Variants in EYS observed in about 807,000 individuals in gnomAD.
EYS encodes the protein protein eyes shut homolog.
In EYS, 250 loss-of-function variants were observed where a neutral mutation model predicts 282.1. That is an observed-to-expected ratio of 0.89 (90% CI 0.80 to 0.98). EYS has a LOEUF of 0.98. EYS is among the 50% of genes least tolerant of loss of function. The pLI is 0.00. For synonymous variants in EYS, 1,355 were observed against 1,282.9 expected, an observed-to-expected ratio of 1.06 and a Z score of -1.20; for missense variants, 4,016 against 3,709.0, an observed-to-expected ratio of 1.08 and a Z score of -2.15.
chr6:64,431,718 A>C (rs528422218), intron 28 of EYS, among the ~76,000 whole-genome samples: 1 of 152,216 alleles, frequency 6.6e-6, no homozygotes, highest in Admixed American at 6.5e-5. Context: ...ATACAACCTG[A>C]CTACCACTGC....
At chr6:64,854,962 T>A (rs904936975) in intron 19 of EYS, among the ~76,000 whole-genome samples, 1 of 152,162 alleles carries the variant, frequency 6.6e-6, no homozygotes, top group Non-Finnish European at 1.5e-5. Flanking sequence ...TGTTGACAGT[T>A]TTTTTAAATA....
chr6:64,835,646 G>A (rs1222037192), intron 19 of EYS, among the ~76,000 whole-genome samples: 1 of 151,626 alleles, frequency 6.6e-6, no homozygotes, highest in East Asian at 1.9e-4. Context: ...ATAGCCACAG[G>A]ATAATATACA....
At chr6:65,554,063 C>T (rs936647034) in intron 2 of EYS, among the ~76,000 whole-genome samples, 1 of 152,218 alleles carries the variant, frequency 6.6e-6, no homozygotes, top group South Asian at 2.1e-4. Flanking sequence ...CACTAGTTCT[C>T]TTTTTGCCAT....
intron 24 of EYS, among the ~76,000 whole-genome samples, chr6:64,593,923 C>T (rs143361679): frequency 3.7e-4 from 56 of 152,068 alleles, no homozygotes; most frequent in Middle Eastern, 3.4e-3. Context: ...CAGAGAGATA[C>T]GTTTATAAAT....
intron 31 of EYS, among the ~76,000 whole-genome samples, chr6:64,144,692 C>T (rs561412733): frequency 1.3e-5 from 2 of 152,288 alleles, no homozygotes; most frequent in Admixed American, 1.3e-4. Flanking sequence ...ATGTTATCAT[C>T]CTGGGTCCTC....
intron 29 of EYS, among the ~76,000 whole-genome samples, chr6:64,318,431 G>C (rs976685655): frequency 6.6e-6 from 1 of 151,918 alleles, no homozygotes; most frequent in African/African-American, 2.4e-5. Context: ...GAGGGCATTC[G>C]ATGTGATAAT....
chr6:65,003,980 A>ATCTTACTTTTCCCTCTTTCCT (rs1452780608), intron 13 of EYS, among the ~76,000 whole-genome samples: 1 of 147,100 alleles, frequency 6.8e-6, no homozygotes, highest in African/African-American at 2.4e-5. Context: ...CCATGTTTCC[A>ATCTTACTTTTCCCTCTTTCCT]TCTTACTTTT....
chr6:65,540,890 A>G (rs925732011), intron 2 of EYS, among the ~76,000 whole-genome samples: 3 of 152,112 alleles, frequency 2.0e-5, no homozygotes, highest in Admixed American at 6.6e-5. Flanking sequence ...GCCATTGCAC[A>G]CTCCAACCTA....
chr6:64,242,973 AATAC>A (rs1191880990), intron 30 of EYS, among the ~76,000 whole-genome samples: 1 of 146,990 alleles, frequency 6.8e-6, no homozygotes, highest in Non-Finnish European at 1.5e-5. Context: ...ATATAAATTA[AATAC>A]ATAAATATTG....
chr6:64,412,399 A>C (rs1431314337), intron 28 of EYS, among the ~76,000 whole-genome samples: 1 of 152,142 alleles, frequency 6.6e-6, no homozygotes, highest in Non-Finnish European at 1.5e-5. Flanking sequence ...TAGACTGAGG[A>C]GATCTTGAAA....
At chr6:64,214,870 TG>T (rs1189939169) in intron 31 of EYS, among the ~76,000 whole-genome samples, 12 of 152,136 alleles carry the variant, frequency 7.9e-5, no homozygotes, top group Admixed American at 2.6e-4. Flanking sequence ...GCATATAATA[TG>T]TGTGTAATGT....
rs1276479850 is a variant in EYS, at chr6:65,170,559, TC to T, written c.2024-112833del. Among the ~76,000 whole-genome samples the T allele has an allele frequency of 4.0e-5, 6 of 151,566 alleles. No individual in the cohort carries two copies. In the South Asian group the frequency reaches 8.3e-4, roughly 21 times the overall value. On this transcript the variant is annotated intron_variant, in intron 12 of 42. Transcript: ENST00000503581. ...GCCAGTTTTCTGCCAACTTAAAAGGTCAGAAAATAACTACTAAACTTATTGG... is the reference window on the plus strand; with the variant it reads ...GCCAGTTTTCTGCCAACTTAAAAGGTAGAAAATAACTACTAAACTTATTGG...
intron 24 of EYS, among the ~76,000 whole-genome samples, chr6:64,609,037 G>A (rs1767023549): frequency 6.6e-6 from 1 of 152,094 alleles, no homozygotes; most frequent in African/African-American, 2.4e-5. Context: ...GAACTCTAAT[G>A]TGAACTACAG....
intron 22 of EYS, among the ~76,000 whole-genome samples, chr6:64,778,987 A>C (rs955025442): frequency 1.2e-4 from 18 of 152,152 alleles, no homozygotes; most frequent in Non-Finnish European, 2.6e-4. Flanking sequence ...AACACTGACA[A>C]CACCAAATAC....
intron 22 of EYS, among the ~76,000 whole-genome samples, chr6:64,778,692 A>G (rs1201249122): frequency 2.6e-5 from 4 of 152,136 alleles, no homozygotes; most frequent in Non-Finnish European, 5.9e-5. Context: ...CCTAAAAACC[A>G]CCACCAACAA....
intron 28 of EYS, among the ~76,000 whole-genome samples, chr6:64,395,202 AC>A (rs1353440877): frequency 6.6e-6 from 1 of 152,118 alleles, no homozygotes; most frequent in African/African-American, 2.4e-5. Context: ...AACTAGTTCA[AC>A]CATTGTGGAA....
intron 31 of EYS, among the ~76,000 whole-genome samples, chr6:64,151,134 G>T (rs566775865): frequency 9.3e-5 from 14 of 150,868 alleles, no homozygotes; most frequent in African/African-American, 3.4e-4. Context: ...ACAATACAAA[G>T]GTCTATAAGT....
chr6:64,083,840 C>A (rs185841047), intron 31 of EYS, among the ~76,000 whole-genome samples: 4 of 152,152 alleles, frequency 2.6e-5, no homozygotes, highest in Admixed American at 1.3e-4. Flanking sequence ...CGGCTTCAAG[C>A]GATTCTCCTG....
chr6:64,412,081 T>C (rs550941607), intron 28 of EYS, among the ~76,000 whole-genome samples: 1 of 151,142 alleles, frequency 6.6e-6, no homozygotes, highest in African/African-American at 2.4e-5. Flanking sequence ...TACTAGATTA[T>C]GAAATAAACT....
Sources: allele counts gnomAD v4.1 joint callset (sites outside exome capture counted in the v4.1 genomes callset), GRCh38; gene constraint gnomAD v4.1.1; transcripts MANE v1.5; gene names NCBI Gene and HGNC (gene_info 2026-07-23, HGNC 2026-07-21).